Variants in CNTN5 observed in about 807,000 individuals in gnomAD.
CNTN5 encodes contactin-5.
A neutral mutation model predicts 129.1 loss-of-function variants in CNTN5; 77 were observed. The ratio of observed to expected loss-of-function variants is 0.60; its 90% CI spans 0.50 to 0.72. The LOEUF is 0.72. CNTN5 is among the 30% of genes least tolerant of loss of function. The probability of loss-of-function intolerance (pLI) is 0.00; values close to 1 mark genes in which losing one functional copy is unlikely to be tolerated. For missense variants in CNTN5, 1,478 were observed against 1,328.8 expected, an observed-to-expected ratio of 1.11 and a Z score of -1.75; for synonymous variants, 509 against 465.6, an observed-to-expected ratio of 1.09 and a Z score of -1.20.
At chr11:100,229,728 C>G (rs759042560) in intron 16 of CNTN5, among the ~76,000 whole-genome samples, 12 of 152,198 alleles carry the variant, frequency 7.9e-5, no homozygotes, top group Non-Finnish European at 1.3e-4. Context: ...CACTGCACTA[C>G]CCTTGTGATC....
chr11:99,863,843 T>G (rs1055829655), intron 6 of CNTN5, among the ~76,000 whole-genome samples: 6 of 152,218 alleles, frequency 3.9e-5, no homozygotes, highest in East Asian at 1.9e-4. Context: ...ATCTGAGCTT[T>G]CAAAAATTTG....
intron 3 of CNTN5, among the ~76,000 whole-genome samples, chr11:99,570,230 G>A (rs903392567): frequency 6.6e-6 from 1 of 151,776 alleles, no homozygotes; most frequent in Non-Finnish European, 1.5e-5. Flanking sequence ...TCACAGTGCC[G>A]TTGCTGGCCC....
chr11:99,404,630 A>C (rs7480242), intron 2 of CNTN5, among the ~76,000 whole-genome samples: 113,261 of 151,998 alleles, frequency 0.75, 43,056 homozygotes, highest in African/African-American at 0.9. Flanking sequence ...AAGCTAAAAC[A>C]AGGCTAGTAA....
At chr11:99,141,603 T>C (rs1159259261) in intron 1 of CNTN5, among the ~76,000 whole-genome samples, 4 of 152,160 alleles carry the variant, frequency 2.6e-5, no homozygotes, top group African/African-American at 7.2e-5. Context: ...GGGTGTTAAT[T>C]TGAGATCTTT....
intron 3 of CNTN5, among the ~76,000 whole-genome samples, chr11:99,689,195 A>G (rs768370500): frequency 3.3e-5 from 5 of 152,090 alleles, no homozygotes; most frequent in Non-Finnish European, 5.9e-5. Flanking sequence ...GTCTTCCACA[A>G]TGGGTTGAAC....
chr11:99,402,091 G>A (rs6421595), intron 2 of CNTN5, among the ~76,000 whole-genome samples: 112,920 of 152,026 alleles, frequency 0.74, 42,729 homozygotes, highest in African/African-American at 0.89. Flanking sequence ...TCTAACTAGG[G>A]TGTCCAGTAC....
chr11:99,516,025 G>T (rs75588556), intron 2 of CNTN5, among the ~76,000 whole-genome samples: 4,318 of 150,724 alleles, frequency 0.029, 80 homozygotes, highest in Middle Eastern at 0.068. Flanking sequence ...TTTTCTGACC[G>T]CTTACCCTAC....
At position 100,122,399 on chromosome 11, in the gene CNTN5, G is replaced by A. The variant is rs1946054860; in HGVS notation, c.1580+48105G>A. 2.6e-5 allele frequency among the ~76,000 whole-genome samples: 4 copies of A among 151,930 alleles called. No individual in the cohort carries two copies. The South Asian group carries it at 8.3e-4, about 32-fold the overall frequency. ...AGCAGATTGGATCACACTAAGGATGGATCTTCCCTGCTCAGTCCACTCAGA... is the reference window on the plus strand; with the variant it reads ...AGCAGATTGGATCACACTAAGGATGAATCTTCCCTGCTCAGTCCACTCAGA... On this transcript the variant is annotated intron_variant, in intron 13 of 24. Coordinates refer to ENST00000524871, the MANE Select transcript of CNTN5 (RefSeq NM_014361.4).
intron 1 of CNTN5, among the ~76,000 whole-genome samples, chr11:99,077,957 C>A (rs1016832748): frequency 6.6e-6 from 1 of 152,090 alleles, no homozygotes; most frequent in African/African-American, 2.4e-5. Flanking sequence ...TGAAAATGGA[C>A]AAATACAGCA....
chr11:99,988,572 T>G (rs1938845020), intron 8 of CNTN5, among the ~76,000 whole-genome samples: 1 of 152,210 alleles, frequency 6.6e-6, no homozygotes, highest in Non-Finnish European at 1.5e-5. Context: ...GAACTTTCTA[T>G]TTTCAGGAGA....
At chr11:100,022,843 TCTA>T (rs1365903080) in intron 9 of CNTN5, among the ~76,000 whole-genome samples, 1 of 152,224 alleles carries the variant, frequency 6.6e-6, no homozygotes, top group Non-Finnish European at 1.5e-5. Context: ...GATATGTTTC[TCTA>T]CTATTTTCTA....
intron 9 of CNTN5, among the ~76,000 whole-genome samples, chr11:100,040,543 G>C (rs1942315101): frequency 6.6e-6 from 1 of 152,192 alleles, no homozygotes; most frequent in Non-Finnish European, 1.5e-5. Context: ...CTGTCTTTTT[G>C]TTTGTCTGTG....
intron 13 of CNTN5, among the ~76,000 whole-genome samples, chr11:100,147,757 T>G (rs1946903304): frequency 6.6e-6 from 1 of 151,990 alleles, no homozygotes; most frequent in South Asian, 2.1e-4. Context: ...AAAACCTGCC[T>G]TGAACTTTCG....
chr11:99,967,397 A>G (rs963718477), intron 8 of CNTN5, among the ~76,000 whole-genome samples: 22 of 152,158 alleles, frequency 1.4e-4, no homozygotes, highest in Admixed American at 1.3e-4. Flanking sequence ...AGGGGATACA[A>G]TGGAGGGTGA....
intron 1 of CNTN5, among the ~76,000 whole-genome samples, chr11:99,132,642 C>T (rs1859004123): frequency 6.6e-6 from 1 of 152,046 alleles, no homozygotes; most frequent in African/African-American, 2.4e-5. Flanking sequence ...CATGAATGAA[C>T]TCCCATTCAT....
At chr11:99,996,570 T>C (rs1939457781) in intron 8 of CNTN5, among the ~76,000 whole-genome samples, 1 of 152,162 alleles carries the variant, frequency 6.6e-6, no homozygotes, top group Admixed American at 6.6e-5. Context: ...ATTTACTCTC[T>C]CCTATCTTTT....
chr11:100,170,294 T>C (rs1947785117), intron 13 of CNTN5, among the ~76,000 whole-genome samples: 1 of 152,010 alleles, frequency 6.6e-6, no homozygotes, highest in South Asian at 2.1e-4. Context: ...TGTATGATTT[T>C]GTTTGCACTA....
intron 1 of CNTN5, among the ~76,000 whole-genome samples, chr11:99,239,630 T>C (rs904024380): frequency 1.3e-5 from 2 of 152,130 alleles, no homozygotes; most frequent in African/African-American, 2.4e-5. Context: ...AGGATGGAAC[T>C]AGAAGTCTCA....
At chr11:99,455,450 T>TA (rs201008030) in intron 2 of CNTN5, among the ~76,000 whole-genome samples, 53 of 150,976 alleles carry the variant, frequency 3.5e-4, no homozygotes, top group African/African-American at 7.6e-4. Flanking sequence ...TTTTTTTTTT[T>TA]AAAAAAAACA....
Sources: gnomAD v4.1 joint callset for allele counts (sites outside exome capture counted in the v4.1 genomes callset) on GRCh38, gnomAD v4.1.1 for gene constraint, MANE v1.5 for transcripts, NCBI Gene and HGNC (gene_info 2026-07-23, HGNC 2026-07-21) for gene names.